SFXN5: variants seen among roughly 807,000 people sequenced by gnomAD.
The protein encoded by SFXN5 is sideroflexin 5, also known as sideroflexin-5.
A neutral mutation model predicts 50.2 loss-of-function variants in SFXN5; 43 were observed. That is an observed-to-expected ratio of 0.86 (90% CI 0.67 to 1.11). The LOEUF (loss-of-function observed/expected upper bound fraction) is 1.11. SFXN5 is among the 50% of genes least tolerant of loss of function. The pLI is 0.00. For synonymous variants in SFXN5, 203 were observed against 185.8 expected, an observed-to-expected ratio of 1.09 and a Z score of -0.75; for missense variants, 463 against 454.1, an observed-to-expected ratio of 1.02 and a Z score of -0.18.
chr2:72,999,683 A>G (rs528092320), intron 8 of SFXN5, among the ~76,000 whole-genome samples: 2 of 152,188 alleles, frequency 1.3e-5, no homozygotes, highest in East Asian at 2.0e-4. Flanking sequence ...CAGCCACAGC[A>G]TATCAGGCCT....
rs139278690 is a variant in SFXN5 at position 72,950,500 on chromosome 2, T to C, written c.946-5401A>G. On this transcript the variant is annotated intron_variant, in intron 13 of 13. Coordinates refer to ENST00000272433, the MANE Select transcript of SFXN5 (RefSeq NM_144579.3). The surrounding 1 kb of genome is among the most constrained non-coding windows in gnomAD (Gnocchi z 4.2). ...CCACCATCTCTAGGTCTCATGGGTA[T>C]TGGGACCACTGGGGTACTCCCTGCT... Among the ~76,000 whole-genome samples, 371 of 152,334 alleles carry C rather than the reference T, an allele frequency of 2.4e-3. 2 individuals are homozygous for C. Among genetic ancestry groups the C allele is most frequent in the African/African-American group, 7.6e-3 (314 of 41,584 alleles).
At chr2:72,986,061 C>T (rs1371050050) in intron 10 of SFXN5, among the ~76,000 whole-genome samples, 3 of 152,238 alleles carry the variant, frequency 2.0e-5, no homozygotes, top group Non-Finnish European at 4.4e-5. Context: ...TCTGACCCTG[C>T]AGCTGAATGG....
chr2:72,965,529 C>T (rs1018014865), intron 12 of SFXN5, among the ~76,000 whole-genome samples: 1 of 152,094 alleles, frequency 6.6e-6, no homozygotes, highest in Non-Finnish European at 1.5e-5. Flanking sequence ...AAAAAAGTAC[C>T]CTGTAACATA....
chr2:73,040,137 A>G (rs1679434841), intron 3 of SFXN5, among the ~76,000 whole-genome samples: 1 of 152,086 alleles, frequency 6.6e-6, no homozygotes, highest in Non-Finnish European at 1.5e-5. Flanking sequence ...GTACTATTTG[A>G]CTTCTTGAAT....
intron 12 of SFXN5, among the ~76,000 whole-genome samples, chr2:72,964,021 C>T (rs1217225000): frequency 6.6e-6 from 1 of 152,166 alleles, no homozygotes; most frequent in Non-Finnish European, 1.5e-5. Context: ...TTTTCCTTTC[C>T]GTCTCAGAGT....
chr2:72,991,096 C>G (rs1280908219), intron 9 of SFXN5, among the ~76,000 whole-genome samples: 14 of 152,180 alleles, frequency 9.2e-5, no homozygotes. Context: ...ATGACAGCCT[C>G]TTGGGGGTAG....
chr2:73,006,204 G>A (rs1268791247), intron 6 of SFXN5, among the ~76,000 whole-genome samples: 1 of 152,112 alleles, frequency 6.6e-6, no homozygotes, highest in Non-Finnish European at 1.5e-5. Flanking sequence ...AGGACAGACA[G>A]GAGAGACAGG....
intron 2 of SFXN5, among the ~76,000 whole-genome samples, chr2:73,046,842 T>C (rs1219815308): frequency 6.6e-6 from 1 of 152,074 alleles, no homozygotes; most frequent in African/African-American, 2.4e-5. Flanking sequence ...CTGTCTAAAA[T>C]ACATTTTTTT....
chr2:73,008,599 G>A (rs973097537), intron 6 of SFXN5, among the ~76,000 whole-genome samples: 3 of 152,246 alleles, frequency 2.0e-5, no homozygotes, highest in Non-Finnish European at 2.9e-5. Context: ...GTGCATGGAA[G>A]CGGCAGTGCT....
chr2:73,050,671 C>T (rs1428002534), intron 2 of SFXN5, among the ~76,000 whole-genome samples: 1 of 152,224 alleles, frequency 6.6e-6, no homozygotes, highest in Non-Finnish European at 1.5e-5. Context: ...GTGGCAACCT[C>T]AAAGATCTGA....
chr2:72,947,450 G>C (rs1672080500), intron 13 of SFXN5, among the ~76,000 whole-genome samples: 1 of 152,222 alleles, frequency 6.6e-6, no homozygotes, highest in Non-Finnish European at 1.5e-5. Context: ...GTCCCCGCCG[G>C]ACATTTGCCC....
At chr2:73,037,206 CAG>C (rs1275415116) in intron 3 of SFXN5, among the ~76,000 whole-genome samples, 1 of 152,194 alleles carries the variant, frequency 6.6e-6, no homozygotes, top group African/African-American at 2.4e-5. Flanking sequence ...CCTCATATCT[CAG>C]GGGAGAAATC....
intron 2 of SFXN5, among the ~76,000 whole-genome samples, chr2:73,048,088 T>C (rs1319636178): frequency 1.3e-5 from 2 of 152,246 alleles, no homozygotes; most frequent in Non-Finnish European, 1.5e-5. Context: ...ATGCATACCA[T>C]GGATATCCAT....
chr2:73,027,788 T>C (rs1456403261), intron 3 of SFXN5, among the ~76,000 whole-genome samples: 2 of 151,810 alleles, frequency 1.3e-5, no homozygotes, highest in African/African-American at 4.8e-5. Flanking sequence ...GCCTCCTGAG[T>C]AGCTGGGACT....
At chr2:72,996,257 A>C (rs1673215411) in intron 9 of SFXN5, among the ~76,000 whole-genome samples, 1 of 152,080 alleles carries the variant, frequency 6.6e-6, no homozygotes, top group African/African-American at 2.4e-5. Context: ...GGGAGGAGAA[A>C]GGAGGGAGTC....
Position 72,945,171 on chromosome 2 carries a change from G to T in SFXN5, c.946-72C>A. ...AAATAGTGGGGCTGGGAGCTGCAGT[G>T]AGGACCACCCTGGGCCCCAGAGCTC... On this transcript the variant is annotated intron_variant, in intron 13 of 13. Transcript: ENST00000272433. The surrounding 1 kb of genome is among the most constrained non-coding windows in gnomAD (Gnocchi z 5.8). 1 of 1,424,266 alleles carries T rather than the reference G, an allele frequency of 7.0e-7. No individual in the cohort carries two copies. Among genetic ancestry groups the T allele is most frequent in the Non-Finnish European group, 9.8e-7 (1 of 1,020,654 alleles). 88.2% of individuals were successfully genotyped at this position (1,424,266 alleles called of 1,614,324 possible).
At chr2:72,984,328 A>G (rs1671644745) in intron 10 of SFXN5, among the ~76,000 whole-genome samples, 1 of 152,230 alleles carries the variant, frequency 6.6e-6, no homozygotes, top group Non-Finnish European at 1.5e-5. Context: ...GTGCCTGCAC[A>G]TGCATCAGTC....
chr2:73,040,614 G>A (rs2105922641), intron 3 of SFXN5, among the ~76,000 whole-genome samples: 1 of 152,330 alleles, frequency 6.6e-6, no homozygotes, highest in Non-Finnish European at 1.5e-5. Context: ...GTGCGGGCCA[G>A]CTTCAGCAAG....
chr2:72,967,972 C>G (rs574835059), intron 12 of SFXN5, among the ~76,000 whole-genome samples: 89 of 152,208 alleles, frequency 5.8e-4, no homozygotes, highest in African/African-American at 2.1e-3. Context: ...TTGTATTTTA[C>G]GAGCAGAGAA....
Sources: gnomAD v4.1 joint callset for allele counts (sites outside exome capture counted in the v4.1 genomes callset) on GRCh38, gnomAD v4.1.1 for gene constraint, Gnocchi (gnomAD v3.1) non-coding constraint, MANE v1.5 for transcripts, NCBI Gene and HGNC (gene_info 2026-07-23, HGNC 2026-07-21) for gene names.